DGKB: variants seen among roughly 807,000 people sequenced by gnomAD.
DGKB encodes 90 kDa diacylglycerol kinase.
A neutral mutation model predicts 114.3 loss-of-function variants in DGKB; 67 were observed. The observed-to-expected ratio is 0.59, with a 90% confidence interval of 0.48 to 0.72. The LOEUF is 0.72. Ranked by LOEUF, DGKB falls within the 30% of genes least tolerant of loss-of-function variation. The probability of loss-of-function intolerance (pLI) is 0.00; values close to 1 mark genes in which losing one functional copy is unlikely to be tolerated. For missense variants in DGKB, 907 were observed against 975.2 expected (o/e 0.93, Z 0.93); for synonymous variants, 398 against 323.1 (o/e 1.23, Z -2.49).
chr7:14,636,943 T>C (rs1284817682), intron 13 of DGKB, among the ~76,000 whole-genome samples: 1 of 151,942 alleles, frequency 6.6e-6, no homozygotes, highest in Non-Finnish European at 1.5e-5. Context: ...GAATAGCTTC[T>C]TTTTAAGAGA....
intron 9 of DGKB, among the ~76,000 whole-genome samples, chr7:14,692,335 T>C (rs1823014439): frequency 6.6e-6 from 1 of 152,088 alleles, no homozygotes; most frequent in Non-Finnish European, 1.5e-5. Context: ...TTTACATAGA[T>C]GCTTAGAATA....
intron 13 of DGKB, among the ~76,000 whole-genome samples, chr7:14,639,963 T>C (rs775392108): frequency 2.6e-5 from 4 of 152,078 alleles, no homozygotes; most frequent in Non-Finnish European, 5.9e-5. Context: ...TGTGACACAG[T>C]GGGTGTTATC....
chr7:14,306,237 G>A (rs1047933005), intron 23 of DGKB, among the ~76,000 whole-genome samples: 20 of 151,830 alleles, frequency 1.3e-4, no homozygotes, highest in Admixed American at 1.3e-3. Flanking sequence ...TTTCAATAAA[G>A]CAACATTTTA....
At chr7:14,240,242 A>ACCCAGT (rs1268257923) in intron 23 of DGKB, among the ~76,000 whole-genome samples, 1 of 152,054 alleles carries the variant, frequency 6.6e-6, no homozygotes, top group Non-Finnish European at 1.5e-5. Context: ...TAAAAGAACA[A>ACCCAGT]CCCAGTAATC....
chr7:14,333,739 T>A (rs1250052235), intron 23 of DGKB, among the ~76,000 whole-genome samples: 3 of 152,180 alleles, frequency 2.0e-5, no homozygotes, highest in African/African-American at 7.2e-5. Flanking sequence ...ATGGTTCATA[T>A]TCCTTGAGAG....
intron 1 of DGKB, among the ~76,000 whole-genome samples, chr7:14,926,938 G>A (rs1784780019): frequency 6.6e-6 from 1 of 151,926 alleles, no homozygotes; most frequent in African/African-American, 2.4e-5. Context: ...GAAGGGTTCT[G>A]GTGACCCTTT....
intron 23 of DGKB, among the ~76,000 whole-genome samples, chr7:14,306,123 A>G (rs1804426028): frequency 6.6e-6 from 1 of 152,144 alleles, no homozygotes. Flanking sequence ...AAAGCAGCTA[A>G]AATTCTTGAG....
intron 13 of DGKB, among the ~76,000 whole-genome samples, chr7:14,666,927 A>G (rs1818131398): frequency 6.6e-6 from 1 of 152,036 alleles, no homozygotes; most frequent in Non-Finnish European, 1.5e-5. Flanking sequence ...AACTAATTAT[A>G]TCTGATGTAG....
intron 1 of DGKB, among the ~76,000 whole-genome samples, chr7:14,885,123 G>T (rs774927840): frequency 2.6e-5 from 4 of 151,908 alleles, no homozygotes; most frequent in Non-Finnish European, 5.9e-5. Flanking sequence ...TCTGAGCGAG[G>T]TAACTTGATG....
intron 23 of DGKB, among the ~76,000 whole-genome samples, chr7:14,215,508 A>G (rs1788808328): frequency 6.6e-6 from 1 of 152,150 alleles, no homozygotes; most frequent in African/African-American, 2.4e-5. Context: ...AAAGATGGTA[A>G]TAATAGTAAA....
At chr7:14,265,105 A>G (rs1797296114) in intron 23 of DGKB, among the ~76,000 whole-genome samples, 1 of 150,900 alleles carries the variant, frequency 6.6e-6, no homozygotes, top group Non-Finnish European at 1.5e-5. Flanking sequence ...TTTATGCAAC[A>G]GCATCTTAAT....
chr7:14,306,560 T>C (rs1482051042), intron 23 of DGKB, among the ~76,000 whole-genome samples: 1 of 152,170 alleles, frequency 6.6e-6, no homozygotes, highest in African/African-American at 2.4e-5. Flanking sequence ...TTTTCTTTTT[T>C]TCTGAGAATC....
rs138997590 is a variant in DGKB, at chr7:14,721,012, C to T, written c.323-2327G>A. ...GAGAACACAGCACTTGAATTATGGT[C>T]GGATAAGCTATGACCTAACTCATCC... is the stretch of plus-strand genomic sequence containing the variant. On this transcript the variant is annotated intron_variant, in intron 5 of 25. Transcript: ENST00000402815. Among the ~76,000 whole-genome samples the T allele has an allele frequency of 1.8e-4, 27 of 152,290 alleles. No individual in the cohort carries two copies. In the East Asian group the frequency reaches 3.7e-3, roughly 21 times the overall value.
intron 1 of DGKB, among the ~76,000 whole-genome samples, chr7:14,959,100 T>A (rs1786689406): frequency 1.3e-5 from 2 of 152,154 alleles, no homozygotes; most frequent in Admixed American, 1.3e-4. Context: ...GACAGTTGGA[T>A]AAAGCGTGAC....
chr7:14,907,854 G>A (rs36841), upstream of DGKB, among the ~76,000 whole-genome samples: 82,791 of 151,984 alleles, frequency 0.54, 24,878 homozygotes, highest in East Asian at 0.88. Context: ...TTAATTAGGG[G>A]AGAAGATATT....
intron 1 of DGKB, among the ~76,000 whole-genome samples, chr7:14,937,037 C>T (rs887820832): frequency 7.1e-6 from 1 of 140,472 alleles, no homozygotes; most frequent in African/African-American, 2.7e-5. Context: ...CACACACACA[C>T]ACACACACAC....
chr7:14,657,134 G>C (rs923462618), intron 13 of DGKB, among the ~76,000 whole-genome samples: 9 of 151,796 alleles, frequency 5.9e-5, no homozygotes, highest in African/African-American at 1.4e-4. Context: ...ACACGGACAT[G>C]CTATGACTCT....
intron 23 of DGKB, among the ~76,000 whole-genome samples, chr7:14,219,882 C>T (rs777116735): frequency 2.6e-5 from 4 of 151,684 alleles, no homozygotes; most frequent in Non-Finnish European, 5.9e-5. Context: ...TTGTTTTCGT[C>T]TAAAAGTTTT....
At chr7:14,601,830 C>A (rs1433726857) in intron 17 of DGKB, among the ~76,000 whole-genome samples, 1 of 152,178 alleles carries the variant, frequency 6.6e-6, no homozygotes, top group Non-Finnish European at 1.5e-5. Context: ...AACCTCATTA[C>A]AATGGCCTTT....
Sources: gnomAD v4.1 joint callset for allele counts (sites outside exome capture counted in the v4.1 genomes callset) on GRCh38, gnomAD v4.1.1 for gene constraint, MANE v1.5 for transcripts, NCBI Gene and HGNC (gene_info 2026-07-23, HGNC 2026-07-21) for gene names.